CYP7B1: variants seen among roughly 807,000 people sequenced by gnomAD.
CYP7B1 encodes cytochrome P450 7B1.
CYP7B1 carries 29 observed loss-of-function variants against 42.7 expected under a neutral mutation model. The ratio of observed to expected loss-of-function variants is 0.68; its 90% CI spans 0.51 to 0.93. CYP7B1 has a LOEUF of 0.93. Ranked by LOEUF, CYP7B1 falls within the 40% of genes least tolerant of loss-of-function variation. The pLI, the probability that CYP7B1 is intolerant of heterozygous loss-of-function variation, is 0.00. For missense variants in CYP7B1, 655 were observed against 600.5 expected (o/e 1.09, Z -0.95); for synonymous variants, 235 against 218.2 (o/e 1.08, Z -0.68).
chr8:64,608,511 G>A (rs1805316682), intron 4 of CYP7B1, among the ~76,000 whole-genome samples: 1 of 152,314 alleles, frequency 6.6e-6, no homozygotes, highest in African/African-American at 2.4e-5. Context: ...GTGATCAGAG[G>A]ATAGCAGCAA....
rs1805450319 is a variant in CYP7B1 at position 64,616,410 on chromosome 8, CAAAT to C, written c.260-133_260-130del. 3.4e-5 allele frequency: 23 copies of C among 675,070 alleles called. No individual in the cohort carries two copies. In the Admixed American group the frequency reaches 5.0e-4, roughly 15 times the overall value. 41.8% of individuals were successfully genotyped at this position (675,070 alleles called of 1,614,324 possible). A position where few individuals can be genotyped will look rare whatever the true frequency, so the allele number is the denominator to read the frequency against. ...AATAACTAAGGCAAAAAGTTTAATA[CAAAT>C]CCATTTCATTCGAAGGTACACTACA... On this transcript the variant is annotated intron_variant, in intron 2 of 5. Coordinates refer to ENST00000310193, the MANE Select transcript of CYP7B1 (RefSeq NM_004820.5).
At chr8:64,642,302 C>G (rs1396954682) in intron 1 of CYP7B1, among the ~76,000 whole-genome samples, 2 of 151,636 alleles carry the variant, frequency 1.3e-5, no homozygotes, top group Non-Finnish European at 2.9e-5. Flanking sequence ...ATTCGAAGTC[C>G]TAGTAATGTG....
chr8:64,681,125 C>T (rs1164557262), intron 1 of CYP7B1, among the ~76,000 whole-genome samples: 1 of 152,114 alleles, frequency 6.6e-6, no homozygotes, highest in East Asian at 1.9e-4. Context: ...AATGAGTAGA[C>T]AATAAAACAG....
chr8:64,790,416 C>G (rs1344777425), intron 1 of CYP7B1, among the ~76,000 whole-genome samples: 1 of 152,176 alleles, frequency 6.6e-6, no homozygotes, highest in Non-Finnish European at 1.5e-5. Flanking sequence ...AAATCTGAAA[C>G]TCATTTACTC....
intron 1 of CYP7B1, among the ~76,000 whole-genome samples, chr8:64,669,287 T>C (rs905887078): frequency 6.6e-6 from 1 of 152,052 alleles, no homozygotes; most frequent in Non-Finnish European, 1.5e-5. Context: ...TGATACAAAA[T>C]GATTTCTAAG....
intron 1 of CYP7B1, among the ~76,000 whole-genome samples, chr8:64,744,172 CTGAG>C (rs1807609479): frequency 6.6e-6 from 1 of 152,048 alleles, no homozygotes; most frequent in African/African-American, 2.4e-5. Context: ...ATATAGTCAA[CTGAG>C]TGTTAGAAGA....
intron 1 of CYP7B1, among the ~76,000 whole-genome samples, chr8:64,742,962 T>G (rs970735985): frequency 5.3e-5 from 8 of 152,320 alleles, no homozygotes; most frequent in African/African-American, 1.9e-4. Flanking sequence ...CATTTCCTTC[T>G]TCTATGTTTA....
At chr8:64,697,346 A>G (rs913854093) in intron 1 of CYP7B1, among the ~76,000 whole-genome samples, 1 of 152,126 alleles carries the variant, frequency 6.6e-6, no homozygotes, top group East Asian at 1.9e-4. Flanking sequence ...GGAAGGCCAA[A>G]CACATTCTGA....
chr8:64,750,293 G>A (rs1012014834), intron 1 of CYP7B1, among the ~76,000 whole-genome samples: 2 of 152,124 alleles, frequency 1.3e-5, no homozygotes, highest in African/African-American at 4.8e-5. Context: ...AGTGAGGCAT[G>A]GCAACCAACA....
At chr8:64,702,536 C>T (rs1190796497) in intron 1 of CYP7B1, among the ~76,000 whole-genome samples, 3 of 151,980 alleles carry the variant, frequency 2.0e-5, no homozygotes, top group Non-Finnish European at 4.4e-5. Flanking sequence ...TTTGATAACA[C>T]CAGAAACACA....
intron 4 of CYP7B1, among the ~76,000 whole-genome samples, chr8:64,613,019 G>GA (rs1327554152): frequency 6.6e-6 from 1 of 151,914 alleles, no homozygotes; most frequent in Non-Finnish European, 1.5e-5. Context: ...TCTTTTGAAA[G>GA]AAAAAAATAC....
chr8:64,601,693 T>G (rs1487151719), intron 5 of CYP7B1, among the ~76,000 whole-genome samples: 1 of 152,240 alleles, frequency 6.6e-6, no homozygotes, highest in East Asian at 1.9e-4. Context: ...TAAGATATTG[T>G]GTTTTAAATT....
chr8:64,727,497 T>A (rs554146027), intron 1 of CYP7B1, among the ~76,000 whole-genome samples: 1 of 152,310 alleles, frequency 6.6e-6, no homozygotes, highest in South Asian at 2.1e-4. Flanking sequence ...ATCATAATAG[T>A]AAATGACACA....
In CYP7B1 at chr8:64,636,574, A is replaced by AT. The variant is rs972565633; in HGVS notation, c.123-12036dup. ...TTTCAATAAAGTACTAATTTTAAAG[A>AT]TTTTTTCATTCACTTGACCACTTTC... On this transcript the variant is annotated intron_variant, in intron 1 of 5. Transcript: ENST00000310193. Among the ~76,000 whole-genome samples, 185 of 152,180 alleles carry AT rather than the reference A, an allele frequency of 1.2e-3. 1 individual carries two copies. Among genetic ancestry groups the AT allele is most frequent in the Non-Finnish European group, 1.5e-3 (105 of 68,008 alleles).
intron 1 of CYP7B1, among the ~76,000 whole-genome samples, chr8:64,632,394 T>C (rs555748549): frequency 3.5e-4 from 54 of 152,196 alleles, no homozygotes; most frequent in African/African-American, 1.2e-3. Context: ...AAGAGTGAAA[T>C]TGTTGTTACT....
At chr8:64,620,500 G>T (rs1242754512) in intron 2 of CYP7B1, among the ~76,000 whole-genome samples, 1 of 152,132 alleles carries the variant, frequency 6.6e-6, no homozygotes, top group East Asian at 1.9e-4. Context: ...GACAGGTCAA[G>T]AATTTACATG....
chr8:64,702,758 T>C (rs555068567), intron 1 of CYP7B1, among the ~76,000 whole-genome samples: 1 of 152,132 alleles, frequency 6.6e-6, no homozygotes, highest in South Asian at 2.1e-4. Flanking sequence ...GTGTGCGAAA[T>C]AGTATAAATG....
chr8:64,734,960 T>TC (rs36016867), intron 1 of CYP7B1, among the ~76,000 whole-genome samples: 2 of 152,116 alleles, frequency 1.3e-5, no homozygotes, highest in Non-Finnish European at 2.9e-5. Flanking sequence ...TAGACCAGCA[T>TC]CCCCAAACTT....
rs77576509 is a variant in CYP7B1, at chr8:64,592,651, G to T, written c.*3991C>A. Reference sequence around the variant, plus strand: ...AATACACAAGAGCAATTTTTTAAAGGCACAACACTGTTGAAGTATCTTCAT... The same window carrying T: ...AATACACAAGAGCAATTTTTTAAAGTCACAACACTGTTGAAGTATCTTCAT... On this transcript the variant is annotated 3_prime_UTR_variant, in exon 6 of 6. Coordinates refer to ENST00000310193, the MANE Select transcript of CYP7B1 (RefSeq NM_004820.5). 7.2e-5 allele frequency among the ~76,000 whole-genome samples: 11 copies of T among 152,126 alleles called. No homozygotes were observed. Among genetic ancestry groups the T allele is most frequent in the African/African-American group, 2.4e-4 (10 of 41,412 alleles).
Sources: gnomAD v4.1 joint callset for allele counts (sites outside exome capture counted in the v4.1 genomes callset) on GRCh38, gnomAD v4.1.1 for gene constraint, MANE v1.5 for transcripts, NCBI Gene and HGNC (gene_info 2026-07-23, HGNC 2026-07-21) for gene names.